Variants in AUTS2 observed in about 807,000 individuals in gnomAD.
AUTS2 encodes the protein autism susceptibility gene 2 protein.
Under a neutral mutation model 112.4 loss-of-function variants are expected in AUTS2, and 17 were observed. The ratio of observed to expected loss-of-function variants is 0.15; its 90% CI spans 0.10 to 0.23. AUTS2 has a LOEUF of 0.23. Among genes scored for constraint, AUTS2 ranks in the 10% least tolerant of loss-of-function variants. The probability of loss-of-function intolerance (pLI) is 1.00; values close to 1 mark genes in which losing one functional copy is unlikely to be tolerated. For synonymous variants in AUTS2, 751 were observed against 702.7 expected (o/e 1.07, Z -1.09); for missense variants, 1,510 against 1,701.6 (o/e 0.89, Z 1.98).
intron 1 of AUTS2, among the ~76,000 whole-genome samples, chr7:69,777,588 T>G (rs1392233023): frequency 3.3e-5 from 5 of 152,218 alleles, no homozygotes; most frequent in Non-Finnish European, 7.3e-5. Context: ...CTCTGATATC[T>G]AAGACATATT....
At chr7:70,724,012 C>T (rs1266554814) in intron 6 of AUTS2, among the ~76,000 whole-genome samples, 3 of 152,066 alleles carry the variant, frequency 2.0e-5, no homozygotes, top group Admixed American at 6.5e-5. Context: ...CTGCCTCAGC[C>T]TCCCGAGTAG....
At chr7:70,288,203 G>C (rs1199952799) in intron 4 of AUTS2, among the ~76,000 whole-genome samples, 2 of 152,020 alleles carry the variant, frequency 1.3e-5, no homozygotes, top group Non-Finnish European at 2.9e-5. Context: ...ACGAGGTCAG[G>C]ATATTGAGAC....
chr7:70,428,158 C>T (rs1429742756), intron 4 of AUTS2, among the ~76,000 whole-genome samples: 4 of 152,150 alleles, frequency 2.6e-5, no homozygotes, highest in Non-Finnish European at 5.9e-5. Context: ...TCAGTAAGAA[C>T]ATTTTCAGGT....
At chr7:69,877,852 G>C (rs1283571235) in intron 1 of AUTS2, among the ~76,000 whole-genome samples, 1 of 152,170 alleles carries the variant, frequency 6.6e-6, no homozygotes, top group Non-Finnish European at 1.5e-5. Flanking sequence ...TTGGGAGAGA[G>C]AAATCATCCC....
chr7:70,386,567 T>C (rs546030091), intron 4 of AUTS2, among the ~76,000 whole-genome samples: 2 of 152,212 alleles, frequency 1.3e-5, no homozygotes, highest in Non-Finnish European at 2.9e-5. Flanking sequence ...CTCTGTGGAT[T>C]TGCCTATTCT....
intron 4 of AUTS2, among the ~76,000 whole-genome samples, chr7:70,163,340 GTGGT>G (rs1562753091): frequency 1.6e-5 from 1 of 61,308 alleles, no homozygotes; most frequent in African/African-American, 4.8e-5. Context: ...TTAGGTTGTG[GTGGT>G]GGGGGGGGGG....
intron 2 of AUTS2, among the ~76,000 whole-genome samples, chr7:69,996,620 A>G (rs1798952180): frequency 6.6e-6 from 1 of 151,662 alleles, no homozygotes; most frequent in Non-Finnish European, 1.5e-5. Context: ...TTATCTTCTT[A>G]CTCTCGCCCA....
In AUTS2 at chr7:70,506,653, G is replaced by C. The variant is rs552956038; in HGVS notation, c.690+70872G>C. 7.9e-5 allele frequency among the ~76,000 whole-genome samples: 12 copies of C among 152,328 alleles called. No homozygotes were observed. The South Asian group carries it at 1.0e-3, about 13-fold the overall frequency. On this transcript the variant is annotated intron_variant, in intron 5 of 18. Transcript: ENST00000342771. ...GCGCCCAGCGTAAAGGTCAACTGCAGATACACCATCTATCTCTGGAGAGGG... is the reference window on the plus strand; with the variant it reads ...GCGCCCAGCGTAAAGGTCAACTGCACATACACCATCTATCTCTGGAGAGGG...
chr7:70,012,550 A>G (rs1463407737), intron 2 of AUTS2, among the ~76,000 whole-genome samples: 1 of 151,616 alleles, frequency 6.6e-6, no homozygotes, highest in Non-Finnish European at 1.5e-5. Flanking sequence ...TTTCCACCTC[A>G]TCTCCTGCTT....
At chr7:69,733,045 T>C (rs1485379123) in intron 1 of AUTS2, among the ~76,000 whole-genome samples, 2 of 152,208 alleles carry the variant, frequency 1.3e-5, no homozygotes, top group Middle Eastern at 3.2e-3. Flanking sequence ...TTTTTGCTAA[T>C]CATGTGGTGC....
intron 2 of AUTS2, among the ~76,000 whole-genome samples, chr7:69,917,373 C>T (rs769775950): frequency 3.4e-5 from 5 of 147,488 alleles, no homozygotes; most frequent in Admixed American, 1.3e-4. Flanking sequence ...TTCCTTCACC[C>T]ACTCCTACAA....
chr7:70,392,790 C>T lies in AUTS2; in HGVS notation c.661-42962C>T, dbSNP rs1002798862. 4.6e-5 allele frequency among the ~76,000 whole-genome samples: 7 copies of T among 152,200 alleles called. No individual in the cohort carries two copies. The East Asian group carries it at 5.8e-4, about 13-fold the overall frequency. On this transcript the variant is annotated intron_variant, in intron 4 of 18. Transcript: ENST00000342771. ...GACATTCCACTGTTTGGTGAACCAC[C>T]GTTTTCCAGAAATCTTTAGACACCA...
At chr7:70,366,060 A>T (rs1426373802) in intron 4 of AUTS2, among the ~76,000 whole-genome samples, 2 of 152,196 alleles carry the variant, frequency 1.3e-5, no homozygotes, top group African/African-American at 2.4e-5. Context: ...CAAGAAACTT[A>T]TGTTTCAGTA....
At position 70,766,337 on chromosome 7, in the gene AUTS2, G is replaced by A; in HGVS notation, c.1689+3G>A. 1 of 1,613,862 alleles carries A rather than the reference G, an allele frequency of 6.2e-7. No homozygotes were observed. The highest frequency in any genetic ancestry group is 8.5e-7 in the Non-Finnish European group (1 of 1,179,944). ...TGCCGACGCCAGCACCTCCCATGGTGCGTACCCCAGGCAGAAATGTGAGGA... is the reference window on the plus strand; with the variant it reads ...TGCCGACGCCAGCACCTCCCATGGTACGTACCCCAGGCAGAAATGTGAGGA... On this transcript the variant is annotated splice_donor_region_variant and intron_variant, in intron 9 of 18. Transcript: ENST00000342771. The surrounding 1 kb of genome is among the most constrained non-coding windows in gnomAD (Gnocchi z 4.8).
intron 1 of AUTS2, among the ~76,000 whole-genome samples, chr7:69,724,723 A>G (rs944719242): frequency 1.3e-5 from 2 of 152,188 alleles, no homozygotes; most frequent in Non-Finnish European, 2.9e-5. Flanking sequence ...TTTGCAGAAA[A>G]TTTCAAATTA....
At chr7:70,644,871 G>A (rs1183614801) in intron 5 of AUTS2, among the ~76,000 whole-genome samples, 1 of 152,170 alleles carries the variant, frequency 6.6e-6, no homozygotes. Flanking sequence ...GTAGACCTTG[G>A]GTGAAGGATG....
chr7:69,861,825 C>T (rs150494257), intron 1 of AUTS2, among the ~76,000 whole-genome samples: 5 of 152,268 alleles, frequency 3.3e-5, no homozygotes, highest in South Asian at 2.1e-4. Context: ...AGGTGACCAA[C>T]GTGACTACTC....
At chr7:70,577,182 CT>C (rs1227140276) in intron 5 of AUTS2, among the ~76,000 whole-genome samples, 1 of 152,118 alleles carries the variant, frequency 6.6e-6, no homozygotes, top group Admixed American at 6.5e-5. Flanking sequence ...ATAATTGAGC[CT>C]TTTTTGAAGA....
At chr7:69,869,402 G>A (rs1227432794) in intron 1 of AUTS2, among the ~76,000 whole-genome samples, 1 of 151,636 alleles carries the variant, frequency 6.6e-6, no homozygotes, top group Admixed American at 6.6e-5. Context: ...GAGGCATCGT[G>A]TCCTTTATTT....
Sources: gnomAD v4.1 joint callset for allele counts (sites outside exome capture counted in the v4.1 genomes callset) on GRCh38, gnomAD v4.1.1 for gene constraint, Gnocchi (gnomAD v3.1) non-coding constraint, MANE v1.5 for transcripts, NCBI Gene and HGNC (gene_info 2026-07-23, HGNC 2026-07-21) for gene names.